Variants in PLEKHA7 observed in about 807,000 individuals in gnomAD.
PLEKHA7 encodes the protein pleckstrin homology domain-containing family A member 7.
PLEKHA7 carries 104 observed loss-of-function variants against 170.0 expected under a neutral mutation model. That is an observed-to-expected ratio of 0.61 (90% CI 0.52 to 0.72). The LOEUF is 0.72. Among genes scored for constraint, PLEKHA7 ranks in the 30% least tolerant of loss-of-function variants. PLEKHA7 has a pLI of 0.00. For missense variants in PLEKHA7, 1,615 were observed against 1,671.7 expected (o/e 0.97, Z 0.59); for synonymous variants, 648 against 660.8 (o/e 0.98, Z 0.30).
At chr11:16,867,947 TTC>T in intron 4 of PLEKHA7, among the ~76,000 whole-genome samples, 1 of 152,204 alleles carries the variant, frequency 6.6e-6, no homozygotes, top group African/African-American at 2.4e-5. Context: ...AATCACCAAA[TTC>T]TGTTCATTTT....
chr11:16,923,410 C>G (rs539436135), intron 3 of PLEKHA7, among the ~76,000 whole-genome samples: 2 of 152,312 alleles, frequency 1.3e-5, no homozygotes, highest in Admixed American at 1.3e-4. Flanking sequence ...GTACACACCG[C>G]AAACCCAGGT....
chr11:16,910,173 G>C (rs1741158271), intron 3 of PLEKHA7, among the ~76,000 whole-genome samples: 1 of 152,180 alleles, frequency 6.6e-6, no homozygotes, highest in Admixed American at 6.5e-5. Context: ...TAATATATGA[G>C]TAATGTTTTA....
Position 16,817,172 on chromosome 11 carries a change from C to A in PLEKHA7, c.1494G>T (p.Ala498=), listed in dbSNP as rs185644801. 4 of 1,614,030 alleles carry A rather than the reference C, an allele frequency of 2.5e-6. No individual in the cohort carries two copies. In the African/African-American group the frequency reaches 4.0e-5, roughly 16 times the overall value. ...PRNLPSDYKY[A]QDRASHLKMS... ...TCTTCAGGTGGCTGGCTCGGTCCTG[C>A]GCATACTTGTAGTCACTTGGCAGGT... Residue 498 remains alanine (A), a synonymous_variant, in exon 11 of 27, where the codon GCG becomes GCT. Coordinates refer to ENST00000531066, the MANE Select transcript of PLEKHA7 (RefSeq NM_001329630.2). The surrounding 1 kb of genome is among the most constrained non-coding windows in gnomAD (Gnocchi z 4.4).
chr11:16,815,580 A>T (rs941691925), intron 12 of PLEKHA7, among the ~76,000 whole-genome samples: 1 of 152,178 alleles, frequency 6.6e-6, no homozygotes, highest in Non-Finnish European at 1.5e-5. Flanking sequence ...GCTGGAGTGC[A>T]GCAGCGTGAT....
At chr11:16,812,569 T>C (rs1415779727) in intron 13 of PLEKHA7, 1 of 152,284 alleles carries the variant, frequency 6.6e-6, no homozygotes, top group Non-Finnish European at 1.5e-5. Flanking sequence ...GGAGCTTTCT[T>C]GGCTCTCTCT....
intron 3 of PLEKHA7, among the ~76,000 whole-genome samples, chr11:17,012,701 C>G (rs1015780055): frequency 6.6e-6 from 1 of 152,210 alleles, no homozygotes; most frequent in Non-Finnish European, 1.5e-5. Flanking sequence ...CCTAGAACAA[C>G]GTGTGAACGT....
chr11:16,930,353 G>A (rs187052039), intron 3 of PLEKHA7, among the ~76,000 whole-genome samples: 129 of 152,292 alleles, frequency 8.5e-4, no homozygotes, highest in African/African-American at 2.9e-3. Context: ...GGCTGAGGAA[G>A]GAGGATCTCT....
At chr11:17,013,268 C>T in intron 3 of PLEKHA7, 1 of 152,300 alleles carries the variant, frequency 6.6e-6, no homozygotes, top group South Asian at 2.1e-4. Context: ...ATGGACTGAT[C>T]CTACAGACCC....
At chr11:16,797,899 C>T (rs973016027) in intron 17 of PLEKHA7, among the ~76,000 whole-genome samples, 1 of 151,962 alleles carries the variant, frequency 6.6e-6, no homozygotes, top group African/African-American at 2.4e-5. Context: ...GAACAGAGAG[C>T]AGAGAATAAA....
At chr11:16,924,059 C>T (rs938418135) in intron 3 of PLEKHA7, among the ~76,000 whole-genome samples, 2 of 152,002 alleles carry the variant, frequency 1.3e-5, no homozygotes, top group Non-Finnish European at 2.9e-5. Context: ...CCAGCCTGGT[C>T]CACAGCCCTC....
At chr11:16,797,341 C>T (rs574449295) in intron 17 of PLEKHA7, among the ~76,000 whole-genome samples, 9 of 152,172 alleles carry the variant, frequency 5.9e-5, no homozygotes, top group Non-Finnish European at 1.3e-4. Flanking sequence ...CATCTCCTCT[C>T]GAGGCACCTA....
At chr11:16,988,259 A>G (rs1863848034) in intron 3 of PLEKHA7, among the ~76,000 whole-genome samples, 1 of 152,184 alleles carries the variant, frequency 6.6e-6, no homozygotes, top group African/African-American at 2.4e-5. Flanking sequence ...GAGCCTATTG[A>G]GAAGATCTGG....
intron 3 of PLEKHA7, among the ~76,000 whole-genome samples, chr11:17,003,121 A>T (rs930880178): frequency 4.0e-5 from 6 of 151,850 alleles, no homozygotes; most frequent in Admixed American, 1.3e-4. Flanking sequence ...CTCCTGAGTA[A>T]CTGGGATTAC....
At chr11:16,996,968 C>G (rs919343067) in intron 3 of PLEKHA7, among the ~76,000 whole-genome samples, 13 of 152,078 alleles carry the variant, frequency 8.5e-5, no homozygotes, top group Admixed American at 2.6e-4. Context: ...CAGAGTGGTT[C>G]TCTACCCTGT....
intron 3 of PLEKHA7, among the ~76,000 whole-genome samples, chr11:16,912,967 C>T (rs1036912832): frequency 6.6e-6 from 1 of 152,178 alleles, no homozygotes; most frequent in African/African-American, 2.4e-5. Flanking sequence ...TCCAAATTAA[C>T]ATCCTACTGC....
intron 3 of PLEKHA7, 41 bp from the exon 4 acceptor site, chr11:16,871,223 T>C (rs780684912): frequency 8.1e-6 from 12 of 1,489,820 alleles, no homozygotes; most frequent in South Asian, 1.1e-5. Context: ...TTCGTGTGAA[T>C]GGAAGGAGTA....
At chr11:17,007,136 G>T (rs1388838939) in intron 3 of PLEKHA7, among the ~76,000 whole-genome samples, 4 of 152,220 alleles carry the variant, frequency 2.6e-5, no homozygotes, top group African/African-American at 9.6e-5. Flanking sequence ...AGGGGGGCAT[G>T]GATACAGGTG....
chr11:16,955,918 C>T (rs1297968149), intron 3 of PLEKHA7, among the ~76,000 whole-genome samples: 2 of 152,158 alleles, frequency 1.3e-5, no homozygotes, highest in East Asian at 3.9e-4. Flanking sequence ...AGGGGTGTGC[C>T]AGTAGTCCCA....
rs773388805 is a variant in PLEKHA7, at chr11:16,841,606, G to A, written c.813C>T (p.Asn271=). ...CCTGGTTCATGGCCCTGACCCAAGCGTTCATGTCCTCCTGGGTGTCGGCAC... is the reference window on the plus strand; with the variant it reads ...CCTGGTTCATGGCCCTGACCCAAGCATTCATGTCCTCCTGGGTGTCGGCAC... ...YFSADTQEDM[N]AWVRAMNQAA... Residue 271 remains asparagine, a synonymous_variant, in exon 9 of 27, where the codon AAC becomes AAT. Transcript: ENST00000531066. 9 of 1,614,084 alleles carry A rather than the reference G, an allele frequency of 5.6e-6. No homozygotes were observed. In the Admixed American group the frequency reaches 8.3e-5, roughly 15 times the overall value.
Sources: gnomAD v4.1 joint callset for allele counts (sites outside exome capture counted in the v4.1 genomes callset) on GRCh38, gnomAD v4.1.1 for gene constraint, Gnocchi (gnomAD v3.1) non-coding constraint, MANE v1.5 for transcripts, NCBI Gene and HGNC (gene_info 2026-07-23, HGNC 2026-07-21) for gene names.